RBFOX1: variants seen among roughly 807,000 people sequenced by gnomAD.
The protein encoded by RBFOX1 is RNA binding fox-1 homolog 1, also known as RNA binding protein fox-1 homolog 1.
RBFOX1 carries 8 observed loss-of-function variants against 57.7 expected under a neutral mutation model. The ratio of observed to expected loss-of-function variants is 0.14; its 90% CI spans 0.08 to 0.25. RBFOX1 has a LOEUF of 0.25. Ranked by LOEUF, RBFOX1 falls within the 10% of genes least tolerant of loss-of-function variation. The pLI, the probability that RBFOX1 is intolerant of heterozygous loss-of-function variation, is 1.00. For synonymous variants in RBFOX1, 326 were observed against 222.4 expected (o/e 1.47, Z -4.15); for missense variants, 611 against 548.5 (o/e 1.11, Z -1.14).
intron 3 of RBFOX1, among the ~76,000 whole-genome samples, chr16:6,906,679 C>A (rs890493292): frequency 6.6e-6 from 1 of 151,752 alleles, no homozygotes; most frequent in Non-Finnish European, 1.5e-5. Flanking sequence ...TTAAAAAGAG[C>A]CTAGTTCAGA....
At chr16:5,970,265 G>C (rs763223445) in intron 4 of RBFOX1, among the ~76,000 whole-genome samples, 1 of 151,908 alleles carries the variant, frequency 6.6e-6, no homozygotes, top group Non-Finnish European at 1.5e-5. Context: ...TACTCATTTT[G>C]TTCTGGTTAC....
chr16:5,502,766 C>T (rs568119567), intron 2 of RBFOX1, among the ~76,000 whole-genome samples: 4 of 152,220 alleles, frequency 2.6e-5, no homozygotes, highest in East Asian at 3.9e-4. Context: ...AGAGCCTGCC[C>T]CCGAAGGCTG....
At chr16:7,236,046 A>T (rs1174292052) in intron 4 of RBFOX1, among the ~76,000 whole-genome samples, 1 of 152,204 alleles carries the variant, frequency 6.6e-6, no homozygotes, top group African/African-American at 2.4e-5. Flanking sequence ...ATAGTTCCTC[A>T]GATCAAAAAG....
chr16:6,436,417 A>G (rs559131188), intron 2 of RBFOX1, among the ~76,000 whole-genome samples: 2 of 151,266 alleles, frequency 1.3e-5, no homozygotes, highest in South Asian at 4.2e-4. Flanking sequence ...GAAAACAGGT[A>G]TTTAATTCCC....
intron 2 of RBFOX1, among the ~76,000 whole-genome samples, chr16:6,638,880 T>G (rs990484888): frequency 1.3e-5 from 2 of 152,212 alleles, no homozygotes; most frequent in Non-Finnish European, 2.9e-5. Context: ...GAGTTGGTTC[T>G]CTAATCTTGT....
At chr16:6,912,864 C>G (rs945184376) in intron 3 of RBFOX1, among the ~76,000 whole-genome samples, 2 of 152,092 alleles carry the variant, frequency 1.3e-5, no homozygotes, top group Admixed American at 6.5e-5. Flanking sequence ...AAGTGATCCT[C>G]TTGCCTTGAC....
At chr16:5,409,899 T>G (rs1047454041) in intron 1 of RBFOX1, among the ~76,000 whole-genome samples, 3 of 151,210 alleles carry the variant, frequency 2.0e-5, no homozygotes, top group Non-Finnish European at 4.4e-5. Context: ...AATAGAAAAA[T>G]TAGCTGGGCA....
rs1335784558 is a variant in RBFOX1 at position 7,700,348 on chromosome 16, C to T, written c.996-8708C>T. ...TACGATGAGGATGCACCATTATCAT[C>T]TCCATTTATAGATGGTATAACCAAC... is the stretch of plus-strand genomic sequence containing the variant. On this transcript the variant is annotated intron_variant, in intron 14 of 15. Coordinates refer to ENST00000550418, the MANE Select transcript of RBFOX1 (RefSeq NM_018723.4). Among the ~76,000 whole-genome samples the T allele has an allele frequency of 2.0e-5, 3 of 152,256 alleles. No individual in the cohort carries two copies. The East Asian group carries it at 5.8e-4, about 29-fold the overall frequency.
At chr16:7,395,091 T>C (rs545802601) in intron 4 of RBFOX1, among the ~76,000 whole-genome samples, 2 of 152,290 alleles carry the variant, frequency 1.3e-5, no homozygotes, top group South Asian at 4.1e-4. Context: ...CAAACCAATT[T>C]TTTTTTCTCT....
chr16:6,543,882 G>T (rs1196390804), intron 2 of RBFOX1, among the ~76,000 whole-genome samples: 1 of 152,146 alleles, frequency 6.6e-6, no homozygotes, highest in Non-Finnish European at 1.5e-5. Flanking sequence ...GGGGAACCCA[G>T]GAAGGATAAC....
intron 4 of RBFOX1, among the ~76,000 whole-genome samples, chr16:5,935,418 C>T (rs990434419): frequency 6.6e-6 from 1 of 152,114 alleles, no homozygotes; most frequent in Non-Finnish European, 1.5e-5. Flanking sequence ...ATCAGGTAGG[C>T]AGCATAAGGA....
rs2096787036 is a variant in RBFOX1, at chr16:6,539,806, G to GACACACACAGACACACACAC, written c.-63-114788_-63-114787insGACACACACACACACACACA. On this transcript the variant is annotated intron_variant, in intron 2 of 15. Transcript: ENST00000550418. ...GACTGAGGCTGCATCTCAAAACACA[G>GACACACACAGACACACACAC]ACACACACACACACACACACACACA... Among the ~76,000 whole-genome samples the GACACACACAGACACACACAC allele has an allele frequency of 1.2e-4, 16 of 136,326 alleles. No individual in the cohort carries two copies. The Admixed American group carries it at 1.2e-3, about 10-fold the overall frequency. The allele number at this position is 136,326 out of a possible 152,430, so 89.4% of individuals were successfully genotyped here. A position where few individuals can be genotyped will look rare whatever the true frequency, so the allele number is the denominator to read the frequency against.
At chr16:5,756,877 C>A (rs2053416523) in intron 3 of RBFOX1, among the ~76,000 whole-genome samples, 1 of 152,062 alleles carries the variant, frequency 6.6e-6, no homozygotes, top group African/African-American at 2.4e-5. Context: ...CTGGGCTAAG[C>A]ACGTTACATT....
intron 3 of RBFOX1, among the ~76,000 whole-genome samples, chr16:6,994,255 T>G (rs760853235): frequency 2.3e-4 from 35 of 152,152 alleles, no homozygotes; most frequent in Admixed American, 4.6e-4. Flanking sequence ...GAGCACAGTT[T>G]TATCTAATGG....
intron 4 of RBFOX1, among the ~76,000 whole-genome samples, chr16:5,935,522 G>T (rs184291953): frequency 1.3e-5 from 2 of 152,324 alleles, no homozygotes; most frequent in Non-Finnish European, 2.9e-5. Flanking sequence ...ATTAGGGCCG[G>T]TGGACAGTGG....
At chr16:5,916,540 C>A (rs2058707592) in intron 4 of RBFOX1, among the ~76,000 whole-genome samples, 1 of 152,150 alleles carries the variant, frequency 6.6e-6, no homozygotes, top group African/African-American at 2.4e-5. Flanking sequence ...GTGCCCAGCC[C>A]TTCCTCTCAT....
chr16:7,545,863 G>A (rs539886923), intron 5 of RBFOX1, among the ~76,000 whole-genome samples: 1 of 152,102 alleles, frequency 6.6e-6, no homozygotes, highest in Non-Finnish European at 1.5e-5. Context: ...TCTCTGCATC[G>A]GGGGAGCAGA....
chr16:6,618,576 G>A (rs907284892), intron 2 of RBFOX1, among the ~76,000 whole-genome samples: 6 of 152,268 alleles, frequency 3.9e-5, no homozygotes, highest in South Asian at 2.1e-4. Context: ...CATGATACTC[G>A]TTTCGAGGAG....
chr16:7,392,358 C>A (rs1048709420), intron 4 of RBFOX1, among the ~76,000 whole-genome samples: 1 of 152,114 alleles, frequency 6.6e-6, no homozygotes, highest in East Asian at 1.9e-4. Flanking sequence ...TGGACAATGG[C>A]CTGTTTCCTC....
Sources: allele counts gnomAD v4.1 joint callset (sites outside exome capture counted in the v4.1 genomes callset), GRCh38; gene constraint gnomAD v4.1.1; transcripts MANE v1.5; gene names NCBI Gene and HGNC (gene_info 2026-07-23, HGNC 2026-07-21).